NVL: variants seen among roughly 807,000 people sequenced by gnomAD.
NVL encodes the protein nuclear VCP like, also known as nuclear valosin-containing protein-like.
NVL carries 84 observed loss-of-function variants against 110.2 expected under a neutral mutation model. The observed-to-expected ratio is 0.76, with a 90% CI of 0.64 to 0.91. The LOEUF is 0.91. Among genes scored for constraint, NVL ranks in the 40% least tolerant of loss-of-function variants. The pLI, the probability that NVL is intolerant of heterozygous loss-of-function variation, is 0.00. For synonymous variants in NVL, 354 were observed against 361.1 expected, an observed-to-expected ratio of 0.98 and a Z score of 0.22; for missense variants, 882 against 1,035.9, an observed-to-expected ratio of 0.85 and a Z score of 2.04.
chr1:224,315,530 TA>T (rs1301414768), intron 4 of NVL, among the ~76,000 whole-genome samples: 1 of 152,208 alleles, frequency 6.6e-6, no homozygotes, highest in Non-Finnish European at 1.5e-5. Flanking sequence ...AACCTAAAGC[TA>T]ATGTCATATT....
chr1:224,231,092 C>A (rs1338903057), intron 22 of NVL, 134 bp downstream of exon 22: 7 of 599,380 alleles, frequency 1.2e-5, no homozygotes, highest in African/African-American at 1.1e-4. Context: ...GAGATCGCAC[C>A]ACTGCACTCC....
chr1:224,287,695 C>A (rs1666994942), intron 14 of NVL, 80 bp downstream of exon 14: 1 of 1,183,788 alleles, frequency 8.4e-7, no homozygotes, highest in African/African-American at 1.5e-5. Flanking sequence ...AGCCACAGAA[C>A]CTAGTACACA....
intron 1 of NVL, 71 bp from the exon 2 acceptor site, chr1:224,326,535 A>G (rs1671161268): frequency 1.0e-6 from 1 of 997,372 alleles, no homozygotes; most frequent in Non-Finnish European, 1.6e-6. Context: ...CAACAGATTG[A>G]GCTATCTGAA....
rs1439678220 is a variant in NVL at position 224,253,748 on chromosome 1, A to G, written c.2183-3430T>C. 1.4e-4 allele frequency among the ~76,000 whole-genome samples: 20 copies of G among 145,626 alleles called. 1 individual carries two copies. The highest frequency in any genetic ancestry group is 8.7e-4 in the South Asian group (4 of 4,608). On this transcript the variant is annotated intron_variant, in intron 18 of 22. Transcript: ENST00000281701. The stretch of plus-strand genomic sequence containing the variant: ...CTCGGTCTCAAAAAAAAAAAAAAAA[A>G]GAAAAGAAAAAAAGAAATTGCCAAA...
At chr1:224,305,792 C>T (rs1449715884) in intron 6 of NVL, among the ~76,000 whole-genome samples, 2 of 152,264 alleles carry the variant, frequency 1.3e-5, no homozygotes, top group African/African-American at 4.8e-5. Context: ...ATCTGCCCAC[C>T]TCAGCCTCCC....
chr1:224,318,059 C>A (rs1233985200), intron 2 of NVL, 129 bp from the exon 3 acceptor site: 9 of 548,910 alleles, frequency 1.6e-5, no homozygotes, highest in African/African-American at 1.6e-4. Flanking sequence ...TTGCCATAAC[C>A]CTATTTTCAA....
rs1664675589 is a variant in NVL at position 224,268,070 on chromosome 1, G to A, written c.2146C>T (p.Gln716Ter). 1.9e-6 allele frequency: 3 copies of A among 1,613,778 alleles called. No homozygotes were observed. Among genetic ancestry groups the A allele is most frequent in the Non-Finnish European group, 2.5e-6 (3 of 1,179,934 alleles). ...GTGGCTGCCATAATAAAAACCTGCTGGCGTGCTTCCAGACCATCCATCTCT... is the reference window on the plus strand; with the variant it reads ...GTGGCTGCCATAATAAAAACCTGCTAGCGTGCTTCCAGACCATCCATCTCT... ...LTEMDGLEAR[Q>*]QVFIMAATNR... Residue 716 changes from glutamine (Q) to a stop codon, truncating the protein, a stop_gained, in exon 18 of 23, where the codon CAG becomes TAG. Coordinates refer to ENST00000281701, the MANE Select transcript of NVL (RefSeq NM_002533.4). LOFTEE classifies it high-confidence loss of function.
At chr1:224,323,159 G>C (rs951650672) in intron 2 of NVL, among the ~76,000 whole-genome samples, 1 of 152,190 alleles carries the variant, frequency 6.6e-6, no homozygotes, top group Non-Finnish European at 1.5e-5. Flanking sequence ...ATGTTACGAA[G>C]TGGCAGAGGA....
At position 224,291,211 on chromosome 1, in the gene NVL, C is replaced by CT. The variant is rs564084689; in HGVS notation, c.1326-1479dup. On this transcript the variant is annotated intron_variant, in intron 12 of 22. Coordinates refer to ENST00000281701, the MANE Select transcript of NVL (RefSeq NM_002533.4). ...AGTTAGTGCCCAATGAATGTTAATT[C>CT]TTTTTTTTTCTGAGACGGAGTTTTG... is the stretch of plus-strand genomic sequence containing the variant. 2.4e-3 allele frequency among the ~76,000 whole-genome samples: 368 copies of CT among 151,614 alleles called. 3 individuals carry two copies. The highest frequency in any genetic ancestry group is 8.5e-3 in the African/African-American group (352 of 41,380).
In NVL at chr1:224,261,764, C is replaced by A. The variant is rs533416320; in HGVS notation, c.2182+6270G>T. On this transcript the variant is annotated intron_variant, in intron 18 of 22. Coordinates refer to ENST00000281701, the MANE Select transcript of NVL (RefSeq NM_002533.4). ...CCCAGGAGTTTGAGACCAGCCTGGG[C>A]AACATAGTGAGACGTCATCTCTACA... is the stretch of plus-strand genomic sequence containing the variant. Among the ~76,000 whole-genome samples the A allele has an allele frequency of 5.8e-4, 88 of 151,428 alleles. 1 individual carries two copies. The highest frequency in any genetic ancestry group is 1.1e-3 in the Non-Finnish European group (75 of 67,918).
At chr1:224,314,484 T>C (rs1291628786) in intron 4 of NVL, among the ~76,000 whole-genome samples, 1 of 152,000 alleles carries the variant, frequency 6.6e-6, no homozygotes, top group African/African-American at 2.4e-5. Flanking sequence ...AATGAACAAA[T>C]GATTAAAAAA....
At chr1:224,324,696 A>G (rs1160852572) in intron 2 of NVL, among the ~76,000 whole-genome samples, 1 of 152,144 alleles carries the variant, frequency 6.6e-6, no homozygotes, top group African/African-American at 2.4e-5. Flanking sequence ...AAATGCTGGG[A>G]TTATAGGTGT....
At chr1:224,299,727 C>G (rs1045236593) in intron 10 of NVL, among the ~76,000 whole-genome samples, 2 of 152,240 alleles carry the variant, frequency 1.3e-5, no homozygotes, top group Non-Finnish European at 2.9e-5. Context: ...GCACTCTGCC[C>G]TTTCCACCTT....
At chr1:224,251,221 C>T (rs898393452) in intron 18 of NVL, among the ~76,000 whole-genome samples, 1 of 131,230 alleles carries the variant, frequency 7.6e-6, no homozygotes, top group South Asian at 2.4e-4. Context: ...TTGCAGTGAG[C>T]TGAGATCGTG....
intron 11 of NVL, 130 bp from the exon 12 acceptor site, chr1:224,294,541 A>G: frequency 1.2e-6 from 1 of 816,408 alleles, no homozygotes; most frequent in Non-Finnish European, 1.9e-6. Context: ...TAAAACCAAC[A>G]TTTATTAAAT....
chr1:224,302,719 T>C (rs962515125), intron 9 of NVL, among the ~76,000 whole-genome samples: 6 of 152,016 alleles, frequency 3.9e-5, no homozygotes, highest in Admixed American at 1.3e-4. Flanking sequence ...ATATGAAAAA[T>C]AATATAACCC....
At chr1:224,307,542 A>G (rs1669049561) in intron 6 of NVL, among the ~76,000 whole-genome samples, 1 of 152,086 alleles carries the variant, frequency 6.6e-6, no homozygotes. Flanking sequence ...TCTCTAGAAA[A>G]GATATAAGTT....
intron 18 of NVL, among the ~76,000 whole-genome samples, chr1:224,253,620 C>A (rs762390413): frequency 6.7e-6 from 1 of 149,860 alleles, no homozygotes; most frequent in Non-Finnish European, 1.5e-5. Context: ...GTAATCTCAG[C>A]TATTCAGGAG....
intron 2 of NVL, among the ~76,000 whole-genome samples, chr1:224,322,186 T>G (rs577358938): frequency 1.3e-4 from 20 of 151,740 alleles, no homozygotes; most frequent in Non-Finnish European, 2.6e-4. Flanking sequence ...CCTCAAGTGA[T>G]CCTCCTGCTT....
Sources: gnomAD v4.1 joint callset for allele counts (sites outside exome capture counted in the v4.1 genomes callset) on GRCh38, gnomAD v4.1.1 for gene constraint, MANE v1.5 for transcripts, NCBI Gene and HGNC (gene_info 2026-07-23, HGNC 2026-07-21) for gene names.